The following TMEM108 variants were observed in gnomAD, a reference collection of about 807,000 sequenced individuals.
TMEM108 encodes transmembrane protein 108, also known as cancer/testis antigen 124.
TMEM108 carries 12 observed loss-of-function variants against 35.1 expected under a neutral mutation model. That is an observed-to-expected ratio of 0.34 (90% confidence interval 0.22 to 0.55). TMEM108 has a LOEUF of 0.55. Among genes scored for constraint, TMEM108 ranks in the 20% least tolerant of loss-of-function variants. The pLI is 0.89. For synonymous variants in TMEM108, 287 were observed against 308.6 expected (o/e 0.93, Z 0.73); for missense variants, 680 against 753.3 (o/e 0.90, Z 1.14).
rs11926421 is a variant in TMEM108 at position 133,100,009 on chromosome 3, C to T, written c.-47+53989C>T. 8.4e-3 allele frequency among the ~76,000 whole-genome samples: 1,281 copies of T among 152,228 alleles called. 20 individuals are homozygous for T. Among genetic ancestry groups the T allele is most frequent in the African/African-American group, 0.028 (1,170 of 41,532 alleles). On this transcript the variant is annotated intron_variant, in intron 2 of 5. Coordinates refer to ENST00000321871, the MANE Select transcript of TMEM108 (RefSeq NM_023943.4). ...AATTTATGGTATTAGTTCATTTTAA[C>T]GCTGCTGATAAAGACATACCCAAAA...
chr3:133,306,032 C>T (rs1174083913), intron 3 of TMEM108, among the ~76,000 whole-genome samples: 1 of 152,018 alleles, frequency 6.6e-6, no homozygotes, highest in African/African-American at 2.4e-5. Context: ...TCTCCTGTGG[C>T]TTATATTTTC....
At chr3:133,161,635 A>G (rs550595182) in intron 2 of TMEM108, among the ~76,000 whole-genome samples, 1 of 152,182 alleles carries the variant, frequency 6.6e-6, no homozygotes, top group African/African-American at 2.4e-5. Flanking sequence ...CTTTCCAGTG[A>G]TATGTTCAAA....
intron 3 of TMEM108, among the ~76,000 whole-genome samples, chr3:133,256,155 A>T (rs1182374642): frequency 6.6e-6 from 1 of 152,224 alleles, no homozygotes; most frequent in Non-Finnish European, 1.5e-5. Flanking sequence ...CCACAGAATC[A>T]AGGAGACAGT....
At chr3:133,208,188 C>A (rs1232355558) in intron 2 of TMEM108, among the ~76,000 whole-genome samples, 1 of 152,174 alleles carries the variant, frequency 6.6e-6, no homozygotes, top group Non-Finnish European at 1.5e-5. Context: ...CTTAGAGTTT[C>A]TGATTCAGTG....
intron 3 of TMEM108, among the ~76,000 whole-genome samples, chr3:133,358,607 G>C (rs1002846699): frequency 6.6e-6 from 1 of 152,138 alleles, no homozygotes; most frequent in Non-Finnish European, 1.5e-5. Context: ...TGGGCATAAA[G>C]GGGAATAGAG....
intron 3 of TMEM108, among the ~76,000 whole-genome samples, chr3:133,297,010 C>T (rs1210856283): frequency 2.0e-5 from 3 of 152,110 alleles, no homozygotes; most frequent in Non-Finnish European, 4.4e-5. Flanking sequence ...TAGAACAAGG[C>T]CCAGGTCTGA....
At chr3:133,349,412 GT>G (rs1401497840) in intron 3 of TMEM108, among the ~76,000 whole-genome samples, 1 of 151,968 alleles carries the variant, frequency 6.6e-6, no homozygotes, top group Non-Finnish European at 1.5e-5. Flanking sequence ...AATTTAAGAA[GT>G]TAAAAGCACA....
intron 2 of TMEM108, among the ~76,000 whole-genome samples, chr3:133,202,087 A>G (rs1945676733): frequency 1.3e-5 from 2 of 152,200 alleles, no homozygotes; most frequent in African/African-American, 4.8e-5. Flanking sequence ...TGTTGGCTAT[A>G]TAAATGTCTT....
intron 2 of TMEM108, among the ~76,000 whole-genome samples, chr3:133,088,206 C>G (rs932325860): frequency 2.0e-5 from 3 of 151,820 alleles, no homozygotes; most frequent in Non-Finnish European, 2.9e-5. Flanking sequence ...TGGTAGGGAG[C>G]CTGAGAAGTG....
intron 3 of TMEM108, among the ~76,000 whole-genome samples, chr3:133,272,981 TG>T (rs1946794575): frequency 6.6e-6 from 1 of 152,146 alleles, no homozygotes; most frequent in East Asian, 1.9e-4. Context: ...TTGATAACCA[TG>T]AAAAGAGCCC....
chr3:133,377,060 T>C (rs1408592392), intron 3 of TMEM108, among the ~76,000 whole-genome samples: 2 of 152,210 alleles, frequency 1.3e-5, no homozygotes, highest in East Asian at 3.8e-4. Context: ...GCTCCAGATG[T>C]CTGTGTGTCC....
At chr3:133,272,313 T>TGTGTGTGTG (rs1559888647) in intron 3 of TMEM108, among the ~76,000 whole-genome samples, 7 of 97,966 alleles carry the variant, frequency 7.1e-5, no homozygotes, top group South Asian at 3.1e-4. Flanking sequence ...GTGTGTGTGT[T>TGTGTGTGTG]TCCTAAAGGA....
chr3:133,163,574 G>A (rs1410956358), intron 2 of TMEM108, among the ~76,000 whole-genome samples: 1 of 152,076 alleles, frequency 6.6e-6, no homozygotes, highest in Non-Finnish European at 1.5e-5. Context: ...AGGCTAGTGG[G>A]GACTGTGCCT....
intron 2 of TMEM108, among the ~76,000 whole-genome samples, chr3:133,127,990 T>C (rs377300614): frequency 4.6e-5 from 7 of 152,338 alleles, no homozygotes; most frequent in African/African-American, 1.7e-4. Context: ...ATAATCACTC[T>C]GTGGTGAATC....
intron 3 of TMEM108, among the ~76,000 whole-genome samples, chr3:133,233,515 T>A (rs1477791665): frequency 6.6e-6 from 1 of 152,236 alleles, no homozygotes; most frequent in Non-Finnish European, 1.5e-5. Context: ...TGCATGTGTC[T>A]TTATGGCAGC....
At chr3:133,243,132 A>G (rs1445844501) in intron 3 of TMEM108, among the ~76,000 whole-genome samples, 1 of 152,116 alleles carries the variant, frequency 6.6e-6, no homozygotes, top group Non-Finnish European at 1.5e-5. Context: ...GCCGCTTGAG[A>G]AGGGATGGTA....
chr3:133,294,290 T>G, intron 3 of TMEM108, among the ~76,000 whole-genome samples: 1 of 152,216 alleles, frequency 6.6e-6, no homozygotes, highest in South Asian at 2.1e-4. Context: ...ACTAAAATTC[T>G]CAGAACTTCT....
chr3:133,206,049 A>T (rs574590219), intron 2 of TMEM108, among the ~76,000 whole-genome samples: 1 of 152,212 alleles, frequency 6.6e-6, no homozygotes, highest in Non-Finnish European at 1.5e-5. Flanking sequence ...CATTAAGTTG[A>T]TCCTCAATCT....
chr3:133,094,699 CT>C (rs1379363820), intron 2 of TMEM108, among the ~76,000 whole-genome samples: 10 of 152,192 alleles, frequency 6.6e-5, no homozygotes, highest in African/African-American at 2.4e-4. Flanking sequence ...TTCCACTTGT[CT>C]TGTTTGTATT....
Sources: gnomAD v4.1 joint callset for allele counts (sites outside exome capture counted in the v4.1 genomes callset) on GRCh38, gnomAD v4.1.1 for gene constraint, MANE v1.5 for transcripts, NCBI Gene and HGNC (gene_info 2026-07-23, HGNC 2026-07-21) for gene names.